NTRK2: variants seen among roughly 807,000 people sequenced by gnomAD.
NTRK2 encodes neurotrophic receptor tyrosine kinase 2.
A neutral mutation model predicts 94.5 loss-of-function variants in NTRK2; 13 were observed. The observed-to-expected ratio is 0.14, with a 90% CI of 0.09 to 0.22. The LOEUF is 0.22. NTRK2 is among the 10% of genes least tolerant of loss of function. The pLI is 1.00. For missense variants in NTRK2, 639 were observed against 1,071.2 expected (o/e 0.60, Z 5.63); for synonymous variants, 372 against 407.4 (o/e 0.91, Z 1.05).
chr9:84,716,082 C>A (rs1260211607), intron 6 of NTRK2, among the ~76,000 whole-genome samples: 1 of 152,110 alleles, frequency 6.6e-6, no homozygotes, highest in Non-Finnish European at 1.5e-5. Flanking sequence ...TAACTAGTTA[C>A]CACACAGAAT....
intron 12 of NTRK2, among the ~76,000 whole-genome samples, chr9:84,833,316 G>A (rs2073681802): frequency 6.6e-6 from 1 of 152,096 alleles, no homozygotes; most frequent in African/African-American, 2.4e-5. Context: ...TCTGGGCATG[G>A]GGTCTTGACA....
chr9:84,900,746 G>A (rs1323142747), intron 14 of NTRK2, among the ~76,000 whole-genome samples: 3 of 152,204 alleles, frequency 2.0e-5, no homozygotes, highest in Non-Finnish European at 4.4e-5. Flanking sequence ...GCACTTCTCA[G>A]ATAACAGGGA....
At chr9:84,804,881 A>C (rs1335612093) in intron 12 of NTRK2, among the ~76,000 whole-genome samples, 1 of 152,226 alleles carries the variant, frequency 6.6e-6, no homozygotes, top group East Asian at 1.9e-4. Flanking sequence ...ACACCCCAGG[A>C]GAACAATAGA....
chr9:84,937,059 C>A (rs1193120996), intron 15 of NTRK2, among the ~76,000 whole-genome samples: 1 of 152,134 alleles, frequency 6.6e-6, no homozygotes, highest in African/African-American at 2.4e-5. Flanking sequence ...GCCAGCCTGA[C>A]CTGCTCATTT....
chr9:84,702,322 G>A, intron 3 of NTRK2, 26 bp from the exon 4 acceptor site: 1 of 1,612,908 alleles, frequency 6.2e-7, no homozygotes, highest in Non-Finnish European at 8.5e-7. Flanking sequence ...TCGTTCTAAT[G>A]TGCATGAAAT....
At chr9:84,852,271 G>A (rs2074813927) in intron 12 of NTRK2, among the ~76,000 whole-genome samples, 1 of 152,212 alleles carries the variant, frequency 6.6e-6, no homozygotes, top group African/African-American at 2.4e-5. Context: ...TAACCAGCAT[G>A]GCTTTGCAGA....
chr9:85,003,484 C>T (rs552173761), intron 17 of NTRK2, among the ~76,000 whole-genome samples: 28 of 152,158 alleles, frequency 1.8e-4, no homozygotes, highest in South Asian at 8.3e-4. Context: ...AGAGAGCCAA[C>T]GTGGCTTTCA....
chr9:84,978,856 C>A (rs1439352177), intron 17 of NTRK2, among the ~76,000 whole-genome samples: 1 of 152,178 alleles, frequency 6.6e-6, no homozygotes, highest in African/African-American at 2.4e-5. Flanking sequence ...GGCCTTTAAG[C>A]ATTATGCTAA....
At chr9:84,756,029 T>C (rs184932101) in intron 12 of NTRK2, among the ~76,000 whole-genome samples, 175 of 152,276 alleles carry the variant, frequency 1.1e-3, no homozygotes, top group African/African-American at 4.2e-3. Context: ...GCCCTTCTGT[T>C]AGTGTTGGCC....
At chr9:84,937,397 A>G (rs988278246) in intron 15 of NTRK2, among the ~76,000 whole-genome samples, 4 of 152,166 alleles carry the variant, frequency 2.6e-5, no homozygotes, top group Non-Finnish European at 5.9e-5. Context: ...TGTGAAATCT[A>G]AGGCTTTACG....
chr9:84,880,382 T>C (rs2076218519), intron 14 of NTRK2, among the ~76,000 whole-genome samples: 1 of 152,216 alleles, frequency 6.6e-6, no homozygotes, highest in African/African-American at 2.4e-5. Flanking sequence ...TAAAGCCTTC[T>C]TTTCAGCATC....
chr9:84,927,963 G>A (rs2077882301), intron 14 of NTRK2, among the ~76,000 whole-genome samples: 2 of 152,190 alleles, frequency 1.3e-5, no homozygotes, highest in African/African-American at 4.8e-5. Flanking sequence ...TGTGGCTATT[G>A]ACCTCATTCA....
intron 17 of NTRK2, among the ~76,000 whole-genome samples, chr9:85,000,064 C>T (rs1830167810): frequency 1.3e-5 from 2 of 152,200 alleles, no homozygotes; most frequent in Admixed American, 1.3e-4. Context: ...TCACATCCCA[C>T]GTCCTCATTG....
At chr9:84,926,175 TTTCTTTCTTTCTTTC>T (rs1413885474) in intron 14 of NTRK2, among the ~76,000 whole-genome samples, 4 of 66,096 alleles carry the variant, frequency 6.1e-5, no homozygotes, top group African/African-American at 9.9e-5. Context: ...CCTTCCTTTC[TTTCTTTCTTTCTTTC>T]TTTCTTTCTT....
chr9:85,016,688 G>A (rs1412307448), intron 17 of NTRK2, among the ~76,000 whole-genome samples: 1 of 152,152 alleles, frequency 6.6e-6, no homozygotes, highest in East Asian at 1.9e-4. Flanking sequence ...CTACTTTTGT[G>A]ACATGCTTCA....
chr9:84,938,403 C>T (rs2078282258), intron 15 of NTRK2, among the ~76,000 whole-genome samples: 1 of 152,200 alleles, frequency 6.6e-6, no homozygotes, highest in Non-Finnish European at 1.5e-5. Context: ...AACTCCCATC[C>T]ACGCATCAGC....
chr9:84,878,002 C>A (rs2076133595), intron 14 of NTRK2: 5 of 956,618 alleles, frequency 5.2e-6, no homozygotes, highest in Non-Finnish European at 1.3e-6. Context: ...ACGAACAGAG[C>A]TCTAGAAGTT....
intron 12 of NTRK2, among the ~76,000 whole-genome samples, chr9:84,789,717 C>T (rs548771537): frequency 1.3e-5 from 2 of 152,256 alleles, no homozygotes; most frequent in Admixed American, 1.3e-4. Flanking sequence ...TCCCTTAGCC[C>T]CTCTCTCTGG....
At chr9:84,862,856 A>G (rs957562807) in intron 13 of NTRK2, among the ~76,000 whole-genome samples, 39 of 152,256 alleles carry the variant, frequency 2.6e-4, no homozygotes, top group African/African-American at 9.1e-4. Flanking sequence ...AGTAACTTCA[A>G]CAGGCTCTAG....
Sources: allele counts gnomAD v4.1 joint callset (sites outside exome capture counted in the v4.1 genomes callset), GRCh38; gene constraint gnomAD v4.1.1; transcripts MANE v1.5; gene names NCBI Gene and HGNC (gene_info 2026-07-23, HGNC 2026-07-21).